The following MARCHF1 variants were observed in gnomAD, a reference collection of about 807,000 sequenced individuals.
MARCHF1 encodes membrane associated ring-CH-type finger 1.
In MARCHF1, 40 loss-of-function variants were observed where a neutral mutation model predicts 54.2. The observed-to-expected ratio is 0.74, with a 90% CI of 0.57 to 0.96. The LOEUF is 0.96. MARCHF1 is among the 40% of genes least tolerant of loss of function. The pLI is 0.00. For missense variants in MARCHF1, 586 were observed against 656.5 expected (o/e 0.89, Z 1.17); for synonymous variants, 236 against 236.3 (o/e 1.00, Z 0.01).
At chr4:163,721,965 C>A (rs1224246600) in intron 4 of MARCHF1, among the ~76,000 whole-genome samples, 1 of 151,926 alleles carries the variant, frequency 6.6e-6, no homozygotes, top group African/African-American at 2.4e-5. Flanking sequence ...TTTTGTTGAT[C>A]GTTTCAAAAA....
intron 4 of MARCHF1, among the ~76,000 whole-genome samples, chr4:163,747,278 C>T (rs1181849083): frequency 6.6e-6 from 1 of 152,156 alleles, no homozygotes; most frequent in Admixed American, 6.5e-5. Flanking sequence ...AACAAAATAC[C>T]TCAAGCTGAG....
intron 4 of MARCHF1, among the ~76,000 whole-genome samples, chr4:163,847,522 C>G (rs1749518675): frequency 7.0e-6 from 1 of 142,140 alleles, no homozygotes; most frequent in Admixed American, 7.0e-5. Flanking sequence ...CTTTTTTTTT[C>G]ATTTGATCTT....
At chr4:163,706,036 CT>C (rs1453596165) in intron 4 of MARCHF1, among the ~76,000 whole-genome samples, 2 of 152,028 alleles carry the variant, frequency 1.3e-5, no homozygotes, top group Non-Finnish European at 1.5e-5. Context: ...TTATCTCTTG[CT>C]TGTGCATTAA....
chr4:163,890,589 G>A (rs190194600), intron 3 of MARCHF1, among the ~76,000 whole-genome samples: 1 of 152,258 alleles, frequency 6.6e-6, no homozygotes, highest in East Asian at 1.9e-4. Context: ...TGTGTTGCTA[G>A]AAAGCTCAAA....
intron 1 of MARCHF1, among the ~76,000 whole-genome samples, chr4:164,168,028 G>T (rs1730425040): frequency 6.6e-6 from 1 of 151,952 alleles, no homozygotes; most frequent in Non-Finnish European, 1.5e-5. Context: ...CATCTGGTAA[G>T]GGGTTAATAT....
chr4:163,544,442 C>T (rs1166413089), intron 9 of MARCHF1, among the ~76,000 whole-genome samples: 1 of 152,190 alleles, frequency 6.6e-6, no homozygotes, highest in Non-Finnish European at 1.5e-5. Context: ...GCACCTGGAA[C>T]GCTGTCACCA....
intron 4 of MARCHF1, among the ~76,000 whole-genome samples, chr4:163,716,419 T>A (rs1205010048): frequency 6.6e-6 from 1 of 152,228 alleles, no homozygotes; most frequent in Non-Finnish European, 1.5e-5. Flanking sequence ...TCTTAGGTGT[T>A]GATGCTAGAC....
At chr4:164,061,555 T>TAG (rs1356773781) in intron 2 of MARCHF1, among the ~76,000 whole-genome samples, 1 of 134,108 alleles carries the variant, frequency 7.5e-6, no homozygotes, top group African/African-American at 2.7e-5. Context: ...GGGGGAGGGA[T>TAG]AGCATTAGGA....
intron 3 of MARCHF1, chr4:163,932,657 C>A: frequency 2.1e-6 from 1 of 477,762 alleles, no homozygotes; most frequent in East Asian, 4.9e-5. Flanking sequence ...TTTCCGTGGC[C>A]TACATGAGTG....
At chr4:164,137,535 G>T (rs1250742685) in intron 1 of MARCHF1, among the ~76,000 whole-genome samples, 1 of 152,094 alleles carries the variant, frequency 6.6e-6, no homozygotes, top group Non-Finnish European at 1.5e-5. Context: ...ATGCGTTTCA[G>T]ATTTTTCAGC....
intron 4 of MARCHF1, among the ~76,000 whole-genome samples, chr4:163,723,149 G>A (rs2111298062): frequency 6.6e-6 from 1 of 152,308 alleles, no homozygotes; most frequent in South Asian, 2.1e-4. Flanking sequence ...GCATGGTTTT[G>A]CACTGGCTGG....
chr4:164,007,652 G>C (rs200055246), intron 2 of MARCHF1, among the ~76,000 whole-genome samples: 16,104 of 72,890 alleles, frequency 0.22, 855 homozygotes, highest in Middle Eastern at 0.32. Context: ...CTCTCTGTGT[G>C]TGTGTGTGTG....
chr4:163,756,623 C>T (rs1746677501), intron 4 of MARCHF1, among the ~76,000 whole-genome samples: 1 of 96,806 alleles, frequency 1.0e-5, no homozygotes, highest in African/African-American at 4.2e-5. Context: ...CAGAGCGAGA[C>T]TCTGTCTCAA....
chr4:164,141,813 A>G (rs570616568), intron 1 of MARCHF1, among the ~76,000 whole-genome samples: 37 of 152,274 alleles, frequency 2.4e-4, no homozygotes, highest in African/African-American at 8.9e-4. Context: ...TGTTGGGGGG[A>G]GGAGCCAAGA....
intron 1 of MARCHF1, among the ~76,000 whole-genome samples, chr4:164,126,491 T>C (rs968695340): frequency 6.6e-6 from 1 of 152,094 alleles, no homozygotes; most frequent in Non-Finnish European, 1.5e-5. Flanking sequence ...ATAGAAAAAT[T>C]GGTATGGAGA....
At chr4:164,141,099 T>C (rs922092316) in intron 1 of MARCHF1, among the ~76,000 whole-genome samples, 36 of 152,204 alleles carry the variant, frequency 2.4e-4, no homozygotes, top group African/African-American at 8.7e-4. Context: ...GCTGACTTTA[T>C]CTTTAAGTGG....
At chr4:163,942,969 TTTG>T (rs1392403555) in intron 3 of MARCHF1, among the ~76,000 whole-genome samples, 3 of 152,172 alleles carry the variant, frequency 2.0e-5, no homozygotes, top group Admixed American at 1.3e-4. Flanking sequence ...ACACTAGTTT[TTTG>T]TTGTTGTTGG....
chr4:164,099,949 G>A (rs1234055619), intron 2 of MARCHF1, among the ~76,000 whole-genome samples: 1 of 152,112 alleles, frequency 6.6e-6, no homozygotes, highest in African/African-American at 2.4e-5. Context: ...AAAGAAAACA[G>A]CCACAGCTCA....
chr4:163,946,777 A>G (rs1457604345), intron 3 of MARCHF1, among the ~76,000 whole-genome samples: 1 of 152,210 alleles, frequency 6.6e-6, no homozygotes, highest in Non-Finnish European at 1.5e-5. Context: ...GCATCTCAAT[A>G]GTCTCCCTTA....
Sources: gnomAD v4.1 joint callset for allele counts (sites outside exome capture counted in the v4.1 genomes callset) on GRCh38, gnomAD v4.1.1 for gene constraint, MANE v1.5 for transcripts, NCBI Gene and HGNC (gene_info 2026-07-23, HGNC 2026-07-21) for gene names.